The following ALCAM variants were observed in gnomAD, a reference collection of about 807,000 sequenced individuals.
The protein encoded by ALCAM is CD166 antigen.
Under a neutral mutation model 70.9 loss-of-function variants are expected in ALCAM, and 30 were observed. The ratio of observed to expected loss-of-function variants is 0.42; its 90% CI spans 0.32 to 0.57. The LOEUF is 0.57. Among genes scored for constraint, ALCAM ranks in the 20% least tolerant of loss-of-function variants. ALCAM has a pLI of 0.11. For synonymous variants in ALCAM, 249 were observed against 242.5 expected, an observed-to-expected ratio of 1.03 and a Z score of -0.25; for missense variants, 591 against 695.1, an observed-to-expected ratio of 0.85 and a Z score of 1.68.
rs375282223 is a variant in ALCAM, at chr3:105,421,785, G to A, written c.73+54304G>A. On this transcript the variant is annotated intron_variant, in intron 1 of 15. Coordinates refer to ENST00000306107, the MANE Select transcript of ALCAM (RefSeq NM_001627.4). ...ATTTTGTTCCACTTCTGGGGTCTCAGTGTTGAACAATTTTAGCCTCTTTAA... is the reference window on the plus strand; with the variant it reads ...ATTTTGTTCCACTTCTGGGGTCTCAATGTTGAACAATTTTAGCCTCTTTAA... 1.3e-4 allele frequency among the ~76,000 whole-genome samples: 19 copies of A among 151,522 alleles called. No individual in the cohort carries two copies. In the East Asian group the frequency reaches 1.9e-3, roughly 15 times the overall value.
chr3:105,382,008 A>G (rs563664777), intron 1 of ALCAM, among the ~76,000 whole-genome samples: 193 of 151,430 alleles, frequency 1.3e-3, no homozygotes, highest in Non-Finnish European at 2.5e-3. Flanking sequence ...TTACATATGC[A>G]TACATGTGCC....
At chr3:105,561,190 C>T (rs938117510) in intron 14 of ALCAM, among the ~76,000 whole-genome samples, 3 of 151,980 alleles carry the variant, frequency 2.0e-5, no homozygotes, top group Non-Finnish European at 2.9e-5. Context: ...TCCAATTGTT[C>T]CTAGTAGTAT....
intron 1 of ALCAM, among the ~76,000 whole-genome samples, chr3:105,450,639 C>T (rs1406767866): frequency 2.0e-5 from 3 of 152,078 alleles, no homozygotes; most frequent in Admixed American, 6.5e-5. Flanking sequence ...TTTAATTTGC[C>T]ATGCACAACT....
chr3:105,571,874 A>C lies in ALCAM; in HGVS notation c.1687A>C (p.Lys563Gln), dbSNP rs1408706256. The C allele has an allele frequency of 6.2e-7, 1 of 1,612,964 alleles. No homozygotes were observed. The highest frequency in any genetic ancestry group is 1.3e-5 in the African/African-American group (1 of 74,868). Residue 563 changes from lysine (K) to glutamine (Q), a missense_variant, in exon 15 of 16, where the codon AAG becomes CAG. This residue lies in a region of ALCAM where 164 missense variants were observed against 244.7 expected (regional missense o/e 0.67). Transcript: ENST00000306107. ...CAGGACTGCATCAAAACATGTAAACAAGGACCTCGGTAATATGGAAGAAAA... is the reference window on the plus strand; with the variant it reads ...CAGGACTGCATCAAAACATGTAAACCAGGACCTCGGTAATATGGAAGAAAA... ...KSKTASKHVN[K>Q]DLGNMEENKK...
At chr3:105,413,901 C>T (rs1936447580) in intron 1 of ALCAM, among the ~76,000 whole-genome samples, 1 of 152,032 alleles carries the variant, frequency 6.6e-6, no homozygotes, top group African/African-American at 2.4e-5. Flanking sequence ...TGGTCATGTG[C>T]CATGATGTTA....
At chr3:105,571,120 T>G (rs560835432) in intron 14 of ALCAM, among the ~76,000 whole-genome samples, 78 of 152,302 alleles carry the variant, frequency 5.1e-4, no homozygotes, top group African/African-American at 1.9e-3. Context: ...AGGCATTGGT[T>G]TTCAAACTGT....
chr3:105,520,902 C>G (rs1939518772), intron 2 of ALCAM, among the ~76,000 whole-genome samples: 1 of 152,214 alleles, frequency 6.6e-6, no homozygotes, highest in Non-Finnish European at 1.5e-5. Flanking sequence ...CTGCAAGCTT[C>G]AAGTAGATAT....
At chr3:105,422,288 G>C (rs1323619584) in intron 1 of ALCAM, among the ~76,000 whole-genome samples, 3 of 151,340 alleles carry the variant, frequency 2.0e-5, no homozygotes, top group African/African-American at 7.3e-5. Context: ...TGTGAATTGT[G>C]CTGCTATAAA....
At chr3:105,494,394 C>G (rs1938678498) in intron 1 of ALCAM, among the ~76,000 whole-genome samples, 2 of 152,070 alleles carry the variant, frequency 1.3e-5, no homozygotes, top group Admixed American at 1.3e-4. Flanking sequence ...AACAATGAAT[C>G]TTTTGTTTTA....
intron 1 of ALCAM, among the ~76,000 whole-genome samples, chr3:105,428,567 A>G (rs1465062270): frequency 1.3e-5 from 2 of 151,916 alleles, no homozygotes; most frequent in Non-Finnish European, 2.9e-5. Context: ...ATATTGAGCA[A>G]AGTGCAAAGA....
intron 1 of ALCAM, among the ~76,000 whole-genome samples, chr3:105,395,334 A>G (rs1351741823): frequency 1.3e-5 from 2 of 151,998 alleles, no homozygotes; most frequent in Admixed American, 6.6e-5. Context: ...CCTATAAAGT[A>G]TAATATGAAG....
chr3:105,455,171 G>A (rs1038393886), intron 1 of ALCAM, among the ~76,000 whole-genome samples: 1 of 151,936 alleles, frequency 6.6e-6, no homozygotes, highest in Admixed American at 6.6e-5. Context: ...GCCGGGCACG[G>A]TGGCTCAAGT....
chr3:105,482,882 G>GA (rs1938311741), intron 1 of ALCAM, among the ~76,000 whole-genome samples: 2 of 151,934 alleles, frequency 1.3e-5, no homozygotes, highest in East Asian at 1.9e-4. Flanking sequence ...AGGTGCTTTA[G>GA]AAAAAAATCA....
chr3:105,430,284 T>C (rs1466706961), intron 1 of ALCAM, among the ~76,000 whole-genome samples: 2 of 152,038 alleles, frequency 1.3e-5, no homozygotes. Context: ...TTCAGTTTTC[T>C]TTTTTAGTTT....
At chr3:105,405,980 G>T (rs1028877602) in intron 1 of ALCAM, among the ~76,000 whole-genome samples, 1 of 152,186 alleles carries the variant, frequency 6.6e-6, no homozygotes, top group East Asian at 1.9e-4. Context: ...CGGTTACAGG[G>T]AGAAGACCTG....
chr3:105,378,935 C>T (rs1003837507), intron 1 of ALCAM, among the ~76,000 whole-genome samples: 37 of 152,018 alleles, frequency 2.4e-4, no homozygotes, highest in Non-Finnish European at 3.2e-4. Context: ...CGTATCTCCA[C>T]GGTATAAGAA....
intron 1 of ALCAM, among the ~76,000 whole-genome samples, chr3:105,499,594 G>A (rs1043710127): frequency 1.3e-5 from 2 of 152,122 alleles, no homozygotes; most frequent in African/African-American, 4.8e-5. Context: ...ATCAGTTCAT[G>A]TCTGTCTTTC....
intron 14 of ALCAM, among the ~76,000 whole-genome samples, chr3:105,567,072 TTTAA>T (rs1371186502): frequency 6.6e-6 from 1 of 151,994 alleles, no homozygotes; most frequent in African/African-American, 2.4e-5. Flanking sequence ...TTTAAAGATG[TTTAA>T]TTATCTCTGG....
In ALCAM at chr3:105,572,084, G is replaced by A. The variant is rs1456819724; in HGVS notation, c.*25+120G>A. On this transcript the variant is annotated intron_variant, in intron 15 of 15. Coordinates refer to ENST00000306107, the MANE Select transcript of ALCAM (RefSeq NM_001627.4). ...TACAGCTTTCAAAACAGGAAGAGAG[G>A]GGTTTTTTTTCTTTTTATTATGCTT... 2.2e-5 allele frequency: 13 copies of A among 596,880 alleles called. No homozygotes were observed. In the East Asian group the frequency reaches 3.7e-4, roughly 17 times the overall value. 37.0% of individuals were successfully genotyped at this position (596,880 alleles called of 1,614,324 possible).
Sources: allele counts gnomAD v4.1 joint callset (sites outside exome capture counted in the v4.1 genomes callset), GRCh38; gene constraint gnomAD v4.1.1; regional missense constraint gnomAD v4.1.1; transcripts MANE v1.5; gene names NCBI Gene and HGNC (gene_info 2026-07-23, HGNC 2026-07-21).